PIK3AP1: variants seen among roughly 807,000 people sequenced by gnomAD.
The protein encoded by PIK3AP1 is phosphoinositide-3-kinase adaptor protein 1, also known as phosphoinositide 3-kinase adapter protein 1.
A neutral mutation model predicts 88.1 loss-of-function variants in PIK3AP1; 21 were observed. The ratio of observed to expected loss-of-function variants is 0.24; its 90% CI spans 0.17 to 0.34. PIK3AP1 has a LOEUF of 0.34. PIK3AP1 is among the 10% of genes least tolerant of loss of function. The pLI is 1.00. For missense variants in PIK3AP1, 828 were observed against 1,035.7 expected (o/e 0.80, Z 2.75); for synonymous variants, 398 against 400.0 (o/e 1.00, Z 0.06).
chr10:96,640,959 G>A (rs1234548635), intron 8 of PIK3AP1, among the ~76,000 whole-genome samples: 1 of 152,094 alleles, frequency 6.6e-6, no homozygotes, highest in African/African-American at 2.4e-5. Flanking sequence ...CACCATGCCC[G>A]GCTGATCTGT....
chr10:96,655,848 A>G (rs1843607382), intron 3 of PIK3AP1, among the ~76,000 whole-genome samples: 1 of 152,202 alleles, frequency 6.6e-6, no homozygotes, highest in Non-Finnish European at 1.5e-5. Flanking sequence ...AGTAAGTCCA[A>G]TTAAATCTCT....
At chr10:96,603,671 TAC>T (rs10528215) in intron 15 of PIK3AP1, 3,157 of 163,100 alleles carry the variant, frequency 0.019, 94 homozygotes, top group African/African-American at 0.059. Flanking sequence ...TACTACTTAA[TAC>T]ACACACACAC....
chr10:96,612,991 T>G (rs1389036643), intron 13 of PIK3AP1, among the ~76,000 whole-genome samples: 1 of 39,344 alleles, frequency 2.5e-5, no homozygotes, highest in African/African-American at 9.1e-5. Context: ...TATTTTTTTT[T>G]TTTTTTTTTT....
intron 1 of PIK3AP1, among the ~76,000 whole-genome samples, chr10:96,711,845 G>A (rs1239089839): frequency 3.5e-5 from 5 of 142,936 alleles, no homozygotes; most frequent in Non-Finnish European, 6.0e-5. Context: ...CCGCCTCCCG[G>A]GTTCACGCCA....
intron 3 of PIK3AP1, among the ~76,000 whole-genome samples, chr10:96,656,457 A>G (rs1843615892): frequency 6.6e-6 from 1 of 152,220 alleles, no homozygotes. Flanking sequence ...TCCCAGCACT[A>G]GGCTACCAGG....
chr10:96,659,990 A>T (rs1481790782), intron 2 of PIK3AP1, among the ~76,000 whole-genome samples: 1 of 152,128 alleles, frequency 6.6e-6, no homozygotes, highest in African/African-American at 2.4e-5. Context: ...GTTTTAAAAA[A>T]TAATAAAGGA....
rs66669261 is a variant in PIK3AP1 at position 96,629,909 on chromosome 10, C to CAAA, written c.1376-1419_1376-1417dup. ...ACCCTGTCTCAATAACAACAACAAC[C>CAAA]AAAAAAAAAAAAAAAAAAAAAAAGA... On this transcript the variant is annotated intron_variant, in intron 8 of 16. Transcript: ENST00000339364. Among the ~76,000 whole-genome samples, 23 of 5,412 alleles carry CAAA rather than the reference C, an allele frequency of 4.2e-3. 1 individual carries two copies. Among genetic ancestry groups the CAAA allele is most frequent in the African/African-American group, 5.6e-3 (22 of 3,962 alleles). 3.6% of individuals were successfully genotyped at this position (5,412 alleles called of 152,430 possible). A position where few individuals can be genotyped will look rare whatever the true frequency, so the allele number is the denominator to read the frequency against.
At chr10:96,648,599 G>T (rs1843492201) in intron 7 of PIK3AP1, 60 bp downstream of exon 7, 35 of 1,508,226 alleles carry the variant, frequency 2.3e-5, no homozygotes, top group Non-Finnish European at 3.0e-5. Flanking sequence ...TGGGTGAAAG[G>T]GCAGCCATAC....
chr10:96,612,045 A>T (rs779065484), intron 13 of PIK3AP1, among the ~76,000 whole-genome samples: 1 of 152,178 alleles, frequency 6.6e-6, no homozygotes, highest in African/African-American at 2.4e-5. Flanking sequence ...TTTAAACTTC[A>T]TGACTTCTCC....
At position 96,604,344 on chromosome 10, in the gene PIK3AP1, A is replaced by ATTTTTTT. The variant is rs66487275; in HGVS notation, c.2171-302_2171-296dup. ...AGGTGTGTGCCACCACACCTAGCCA[A>ATTTTTTT]TTTTTTTTTTTTTTTTTTTTTTTTT... On this transcript the variant is annotated intron_variant, in intron 14 of 16. Coordinates refer to ENST00000339364, the MANE Select transcript of PIK3AP1 (RefSeq NM_152309.3). 9.5e-4 allele frequency among the ~76,000 whole-genome samples: 73 copies of ATTTTTTT among 77,124 alleles called. 2 individuals are homozygous for ATTTTTTT. Among genetic ancestry groups the ATTTTTTT allele is most frequent in the Non-Finnish European group, 1.3e-3 (56 of 41,864 alleles). 50.6% of individuals were successfully genotyped at this position (77,124 alleles called of 152,430 possible). A position where few individuals can be genotyped will look rare whatever the true frequency, so the allele number is the denominator to read the frequency against.
chr10:96,711,487 TTATGAAGGTTGG>T (rs1360736777), intron 1 of PIK3AP1, among the ~76,000 whole-genome samples: 1 of 152,222 alleles, frequency 6.6e-6, no homozygotes, highest in Non-Finnish European at 1.5e-5. Flanking sequence ...TGGTCACATT[TTATGAAGGTTGG>T]GAACCACCTA....
intron 2 of PIK3AP1, among the ~76,000 whole-genome samples, chr10:96,689,350 G>A (rs572773079): frequency 6.6e-6 from 1 of 151,468 alleles, no homozygotes; most frequent in African/African-American, 2.4e-5. Context: ...GGATCATGAG[G>A]CCAGGAGATC....
chr10:96,616,833 A>T, intron 12 of PIK3AP1, 122 bp from the exon 13 acceptor site: 1 of 918,736 alleles, frequency 1.1e-6, no homozygotes, highest in Non-Finnish European at 1.8e-6. Context: ...CATTTACAAC[A>T]TGCAAATGAG....
intron 13 of PIK3AP1, among the ~76,000 whole-genome samples, chr10:96,614,121 C>G (rs1849173062): frequency 6.6e-6 from 1 of 152,068 alleles, no homozygotes; most frequent in African/African-American, 2.4e-5. Context: ...GATGAGTGGT[C>G]AGGATGTGAT....
At chr10:96,596,674 C>T (rs1203769232) in intron 16 of PIK3AP1, among the ~76,000 whole-genome samples, 1 of 152,162 alleles carries the variant, frequency 6.6e-6, no homozygotes, top group Non-Finnish European at 1.5e-5. Context: ...AAACTTCCCT[C>T]CATGTTATTC....
intron 2 of PIK3AP1, among the ~76,000 whole-genome samples, chr10:96,688,635 C>T (rs1187031263): frequency 1.3e-5 from 2 of 152,022 alleles, no homozygotes; most frequent in Admixed American, 1.3e-4. Flanking sequence ...CCCATCTCTA[C>T]TAAAAATACA....
chr10:96,659,160 C>T (rs1406790979), intron 2 of PIK3AP1, among the ~76,000 whole-genome samples: 1 of 151,072 alleles, frequency 6.6e-6, no homozygotes, highest in Non-Finnish European at 1.5e-5. Flanking sequence ...TATGAAGTTT[C>T]AGTTAATTAT....
chr10:96,646,214 C>T (rs1031566242), intron 7 of PIK3AP1, among the ~76,000 whole-genome samples: 15 of 151,760 alleles, frequency 9.9e-5, no homozygotes, highest in African/African-American at 2.9e-4. Flanking sequence ...GAGCCAAGAT[C>T]GCACCAGTGC....
intron 2 of PIK3AP1, among the ~76,000 whole-genome samples, chr10:96,681,815 G>A (rs546875100): frequency 6.9e-4 from 105 of 152,248 alleles, no homozygotes; most frequent in African/African-American, 2.2e-3. Flanking sequence ...ATTATCCTGA[G>A]TGCCTGTATC....
Sources: gnomAD v4.1 joint callset for allele counts (sites outside exome capture counted in the v4.1 genomes callset) on GRCh38, gnomAD v4.1.1 for gene constraint, MANE v1.5 for transcripts, NCBI Gene and HGNC (gene_info 2026-07-23, HGNC 2026-07-21) for gene names.